Variants in C2orf66 observed in about 807,000 individuals in gnomAD.
C2orf66 encodes uncharacterized protein C2orf66.
A neutral mutation model predicts 7.0 loss-of-function variants in C2orf66; 6 were observed. That is an observed-to-expected ratio of 0.86 (90% CI 0.47 to 1.69). The LOEUF is 1.69. Among genes scored for constraint, C2orf66 ranks in the 40% most tolerant of loss-of-function variants. The pLI, the probability that C2orf66 is intolerant of heterozygous loss-of-function variation, is 0.01. For missense variants in C2orf66, 107 were observed against 112.0 expected (o/e 0.96, Z 0.20); for synonymous variants, 38 against 43.8 (o/e 0.87, Z 0.52).
upstream of C2orf66, among the ~76,000 whole-genome samples, chr2:196,814,355 T>C (rs1395250616): frequency 1.3e-5 from 2 of 151,502 alleles, no homozygotes; most frequent in African/African-American, 4.9e-5. Context: ...TCTCACTCAA[T>C]AGTGGGAGTT....
the C2orf66 span, among the ~76,000 whole-genome samples, chr2:196,828,091 T>G: frequency 4.6e-3 from 700 of 152,276 alleles, 5 homozygotes; most frequent in African/African-American, 0.016. Flanking sequence ...TTAAGCACAG[T>G]AAAATGATTC....
At chr2:196,831,580 TGA>T in the C2orf66 span, among the ~76,000 whole-genome samples, 2 of 152,106 alleles carry the variant, frequency 1.3e-5, no homozygotes, top group East Asian at 3.9e-4. Context: ...CCCCAGGTTG[TGA>T]GAGACATGCT....
the C2orf66 span, among the ~76,000 whole-genome samples, chr2:196,831,288 A>T: frequency 2.5e-4 from 38 of 152,126 alleles, no homozygotes; most frequent in African/African-American, 9.2e-4. Context: ...GGTTTCTTGC[A>T]CACCCCAGAA....
the C2orf66 span, among the ~76,000 whole-genome samples, chr2:196,816,541 G>A: frequency 6.6e-6 from 1 of 152,190 alleles, no homozygotes; most frequent in Non-Finnish European, 1.5e-5. Flanking sequence ...GGGACTATTA[G>A]AAGGAAGGAG....
At chr2:196,823,846 G>A in the C2orf66 span, among the ~76,000 whole-genome samples, 6 of 152,032 alleles carry the variant, frequency 3.9e-5, no homozygotes, top group East Asian at 1.2e-3. Flanking sequence ...GATATTACTA[G>A]CTACAATTTA....
chr2:196,824,692 G>A, the C2orf66 span, among the ~76,000 whole-genome samples: 1 of 152,052 alleles, frequency 6.6e-6, no homozygotes, highest in Non-Finnish European at 1.5e-5. Context: ...GTTCTGATCT[G>A]GAAACTTCAT....
At chr2:196,823,687 A>C in the C2orf66 span, among the ~76,000 whole-genome samples, 1 of 152,042 alleles carries the variant, frequency 6.6e-6, no homozygotes, top group Non-Finnish European at 1.5e-5. Context: ...TATTATGTTA[A>C]ATTTCAACAG....
Position 196,809,331 on chromosome 2 carries a change from G to A in C2orf66, c.6C>T (p.Thr2=). 1.2e-6 allele frequency: 2 copies of A among 1,613,962 alleles called. No homozygotes were observed. Among genetic ancestry groups the A allele is most frequent in the Non-Finnish European group, 1.7e-6 (2 of 1,179,878 alleles). Residue 2 remains threonine (T), a synonymous_variant, in exon 1 of 3, where the codon ACC becomes ACT. Transcript: ENST00000342506. M[T]RAPLLLLCVA... is the part of the protein sequence containing the mutation. ...CACATAGTAGCAGGAGAGGTGCTCT[G>A]GTCATGGTGGAGTGAAGCTGAGTGA...
upstream of C2orf66, among the ~76,000 whole-genome samples, chr2:196,812,368 C>T (rs556102778): frequency 5.3e-5 from 8 of 152,092 alleles, no homozygotes; most frequent in African/African-American, 1.4e-4. Flanking sequence ...AAAAGGCCTT[C>T]GGCAAAATTC....
At chr2:196,829,727 C>G in the C2orf66 span, among the ~76,000 whole-genome samples, 1 of 151,544 alleles carries the variant, frequency 6.6e-6, no homozygotes, top group African/African-American at 2.4e-5. Flanking sequence ...GAAACCCCGT[C>G]TCTACTAAAA....
At chr2:196,808,754 A>G (rs1699841554) in intron 1 of C2orf66, among the ~76,000 whole-genome samples, 1 of 152,232 alleles carries the variant, frequency 6.6e-6, no homozygotes, top group Non-Finnish European at 1.5e-5. Flanking sequence ...TGTTGAAAAT[A>G]TGTCCAGTAA....
At chr2:196,820,221 A>G in the C2orf66 span, among the ~76,000 whole-genome samples, 1 of 152,222 alleles carries the variant, frequency 6.6e-6, no homozygotes, top group Non-Finnish European at 1.5e-5. Context: ...TCTCCCCTCC[A>G]TTCAGAAGCA....
chr2:196,827,338 T>C, the C2orf66 span, among the ~76,000 whole-genome samples: 1 of 150,996 alleles, frequency 6.6e-6, no homozygotes, highest in African/African-American at 2.4e-5. Context: ...ATACAGTAAA[T>C]GTTACACATT....
chr2:196,828,230 TCA>T, the C2orf66 span, among the ~76,000 whole-genome samples: 17,713 of 124,656 alleles, frequency 0.14, 1,132 homozygotes, highest in Middle Eastern at 0.18. Context: ...TCTCTCTCTC[TCA>T]CACACACACA....
the C2orf66 span, among the ~76,000 whole-genome samples, chr2:196,821,455 C>G: frequency 6.6e-6 from 1 of 152,230 alleles, no homozygotes; most frequent in Non-Finnish European, 1.5e-5. Context: ...CTGCAGTAGA[C>G]TTAGAACCTG....
the C2orf66 span, among the ~76,000 whole-genome samples, chr2:196,824,219 C>T: frequency 6.6e-6 from 1 of 152,072 alleles, no homozygotes; most frequent in African/African-American, 2.4e-5. Flanking sequence ...TCTGAGCCTA[C>T]ATCCTTTCTT....
At chr2:196,815,224 C>T in the C2orf66 span, among the ~76,000 whole-genome samples, 1 of 152,106 alleles carries the variant, frequency 6.6e-6, no homozygotes, top group Non-Finnish European at 1.5e-5. Context: ...CTGCCTGAGC[C>T]TCCCAAAGTT....
At chr2:196,818,720 C>T in the C2orf66 span, among the ~76,000 whole-genome samples, 1 of 152,198 alleles carries the variant, frequency 6.6e-6, no homozygotes, top group Admixed American at 6.5e-5. Flanking sequence ...TTCCCAACCC[C>T]TTCTCTCATC....
At chr2:196,826,085 C>A in the C2orf66 span, among the ~76,000 whole-genome samples, 1 of 152,024 alleles carries the variant, frequency 6.6e-6, no homozygotes, top group South Asian at 2.1e-4. Context: ...AAGCACAAAC[C>A]AACAAAAGAA....
Sources: gnomAD v4.1 joint callset for allele counts (sites outside exome capture counted in the v4.1 genomes callset) on GRCh38, gnomAD v4.1.1 for gene constraint, MANE v1.5 for transcripts, NCBI Gene and HGNC (gene_info 2026-07-23, HGNC 2026-07-21) for gene names.